KCNIP4: variants seen among roughly 807,000 people sequenced by gnomAD.
KCNIP4 encodes potassium voltage-gated channel interacting protein 4, also known as Kv channel-interacting protein 4.
In KCNIP4, 12 loss-of-function variants were observed where a neutral mutation model predicts 34.0. The ratio of observed to expected loss-of-function variants is 0.35; its 90% CI spans 0.23 to 0.57. The LOEUF (loss-of-function observed/expected upper bound fraction) is 0.57, where lower values mean the gene tolerates loss of function less well. Among genes scored for constraint, KCNIP4 ranks in the 20% least tolerant of loss-of-function variants. The pLI, the probability that KCNIP4 is intolerant of heterozygous loss-of-function variation, is 0.83. For synonymous variants in KCNIP4, 124 were observed against 102.2 expected (o/e 1.21, Z -1.29); for missense variants, 238 against 311.7 (o/e 0.76, Z 1.78).
intron 3 of KCNIP4, among the ~76,000 whole-genome samples, chr4:20,779,567 T>G (rs933502010): frequency 4.6e-4 from 26 of 56,184 alleles, no homozygotes; most frequent in South Asian, 3.1e-3. Flanking sequence ...AAGTCCCCCC[T>G]GCCCCACAAC....
chr4:21,141,148 G>A (rs573635160), intron 1 of KCNIP4, among the ~76,000 whole-genome samples: 1 of 152,296 alleles, frequency 6.6e-6, no homozygotes, highest in African/African-American at 2.4e-5. Context: ...CTCTAAGGAA[G>A]AGATGCACAT....
intron 1 of KCNIP4, among the ~76,000 whole-genome samples, chr4:21,086,936 T>C (rs4414947): frequency 0.5 from 74,022 of 146,966 alleles, 20,231 homozygotes; most frequent in African/African-American, 0.74. Context: ...TCCTTCTTTC[T>C]TTCTTTCTCC....
chr4:21,749,450 A>G (rs1180192052), intron 1 of KCNIP4, among the ~76,000 whole-genome samples: 1 of 152,166 alleles, frequency 6.6e-6, no homozygotes, highest in Non-Finnish European at 1.5e-5. Context: ...TGAAGGACCA[A>G]TGTGGCAAGT....
chr4:21,558,256 C>G lies in KCNIP4; in HGVS notation c.61+390315G>C, dbSNP rs572237908. On this transcript the variant is annotated intron_variant, in intron 1 of 8. Transcript: ENST00000382152. ...CCTGTAATCCCAGCACTTTGGGAGG[C>G]CAAGGTAGGTGGATCACTTGAGGCC... Among the ~76,000 whole-genome samples the G allele has an allele frequency of 9.9e-5, 15 of 152,208 alleles. No homozygotes were observed. In the Middle Eastern group the frequency reaches 0.01, roughly 104 times the overall value.
intron 1 of KCNIP4, among the ~76,000 whole-genome samples, chr4:21,455,974 A>T (rs1728926738): frequency 6.9e-6 from 1 of 144,722 alleles, no homozygotes; most frequent in Non-Finnish European, 1.5e-5. Flanking sequence ...GATTAAACTC[A>T]AATATTTTAA....
chr4:21,605,066 G>C (rs933759845), intron 1 of KCNIP4, among the ~76,000 whole-genome samples: 1 of 152,160 alleles, frequency 6.6e-6, no homozygotes, highest in Non-Finnish European at 1.5e-5. Flanking sequence ...TGGGATTCTT[G>C]CGGGCTGGTC....
chr4:20,783,488 G>A (rs1213031533), intron 3 of KCNIP4, among the ~76,000 whole-genome samples: 1 of 152,214 alleles, frequency 6.6e-6, no homozygotes, highest in Non-Finnish European at 1.5e-5. Flanking sequence ...GCAGCAGCAA[G>A]AGAAAATGAG....
At chr4:20,892,778 T>G (rs992606705) in intron 1 of KCNIP4, among the ~76,000 whole-genome samples, 1 of 152,218 alleles carries the variant, frequency 6.6e-6, no homozygotes, top group Admixed American at 6.5e-5. Flanking sequence ...TGTGTTTGTT[T>G]TTATCACCTC....
intron 6 of KCNIP4, among the ~76,000 whole-genome samples, chr4:20,734,115 C>T (rs1448683629): frequency 2.6e-5 from 4 of 152,108 alleles, no homozygotes; most frequent in Non-Finnish European, 4.4e-5. Flanking sequence ...CTTTACTTCT[C>T]GCTGTGTTTT....
chr4:21,540,109 T>C (rs939692361), intron 1 of KCNIP4, among the ~76,000 whole-genome samples: 2 of 152,150 alleles, frequency 1.3e-5, no homozygotes, highest in Non-Finnish European at 2.9e-5. Flanking sequence ...CCAATATTAA[T>C]ACTGGGTCTT....
intron 1 of KCNIP4, among the ~76,000 whole-genome samples, chr4:21,082,296 A>C (rs1195871037): frequency 6.6e-6 from 1 of 151,814 alleles, no homozygotes; most frequent in African/African-American, 2.4e-5. Context: ...TAAGCCAAAC[A>C]CTTTCAATTC....
rs558973635 is a variant in KCNIP4 at position 21,393,734 on chromosome 4, A to T, written c.62-511025T>A. ...GAATCACACTATGATGTTATCTGTT[A>T]GAATGTTTTGTAATTTTCTTCTCTA... On this transcript the variant is annotated intron_variant, in intron 1 of 8. Transcript: ENST00000382152. Among the ~76,000 whole-genome samples the T allele has an allele frequency of 2.6e-5, 4 of 152,286 alleles. No individual in the cohort carries two copies. In the East Asian group the frequency reaches 5.8e-4, roughly 22 times the overall value.
intron 1 of KCNIP4, among the ~76,000 whole-genome samples, chr4:21,678,547 C>T (rs1363817415): frequency 6.6e-6 from 1 of 152,142 alleles, no homozygotes; most frequent in East Asian, 1.9e-4. Context: ...ATCTGTTTCC[C>T]TTTGCCTTTC....
At chr4:20,735,542 T>G (rs1213868317) in intron 5 of KCNIP4, among the ~76,000 whole-genome samples, 5 of 147,658 alleles carry the variant, frequency 3.4e-5, no homozygotes, top group Admixed American at 6.8e-5. Context: ...TTTTTTTTTT[T>G]TTTTTGAGAT....
intron 1 of KCNIP4, among the ~76,000 whole-genome samples, chr4:21,771,595 T>A (rs1296086631): frequency 6.6e-6 from 1 of 152,198 alleles, no homozygotes; most frequent in Non-Finnish European, 1.5e-5. Flanking sequence ...TTTTCCCATT[T>A]GTTTGTGTCC....
intron 1 of KCNIP4, among the ~76,000 whole-genome samples, chr4:21,016,387 C>T (rs1739546994): frequency 6.6e-6 from 1 of 151,666 alleles, no homozygotes; most frequent in Admixed American, 6.6e-5. Flanking sequence ...CAAGCTCTGC[C>T]TCCCGGGTTC....
chr4:21,066,729 A>T (rs548243149), intron 1 of KCNIP4, among the ~76,000 whole-genome samples: 134 of 152,334 alleles, frequency 8.8e-4, no homozygotes, highest in Middle Eastern at 6.8e-3. Context: ...TGCCCGTCCC[A>T]GTTGTCAGAA....
At chr4:20,819,958 C>G (rs1485696784) in intron 3 of KCNIP4, among the ~76,000 whole-genome samples, 1 of 152,190 alleles carries the variant, frequency 6.6e-6, no homozygotes, top group Non-Finnish European at 1.5e-5. Context: ...TAGTCTCAGG[C>G]ATTTTGTTAT....
intron 1 of KCNIP4, among the ~76,000 whole-genome samples, chr4:21,431,935 A>C (rs577747287): frequency 6.6e-6 from 1 of 151,178 alleles, no homozygotes; most frequent in South Asian, 2.1e-4. Context: ...TTTAATAAAA[A>C]GCTACTGATA....
Sources: allele counts gnomAD v4.1 joint callset (sites outside exome capture counted in the v4.1 genomes callset), GRCh38; gene constraint gnomAD v4.1.1; transcripts MANE v1.5; gene names NCBI Gene and HGNC (gene_info 2026-07-23, HGNC 2026-07-21).